Variants in INPP4B observed in about 807,000 individuals in gnomAD.
The protein encoded by INPP4B is inositol polyphosphate 4-phosphatase type II.
Under a neutral mutation model 122.5 loss-of-function variants are expected in INPP4B, and 55 were observed. The ratio of observed to expected loss-of-function variants is 0.45; its 90% CI spans 0.36 to 0.56. The LOEUF (loss-of-function observed/expected upper bound fraction) is 0.56, where lower values mean the gene tolerates loss of function less well. Ranked by LOEUF, INPP4B falls within the 20% of genes least tolerant of loss-of-function variation. The pLI is 0.00. For synonymous variants in INPP4B, 403 were observed against 388.7 expected, an observed-to-expected ratio of 1.04 and a Z score of -0.43; for missense variants, 1,000 against 1,097.7, an observed-to-expected ratio of 0.91 and a Z score of 1.26.
intron 1 of INPP4B, among the ~76,000 whole-genome samples, chr4:142,762,149 C>T (rs1003553154): frequency 6.6e-6 from 1 of 152,130 alleles, no homozygotes; most frequent in African/African-American, 2.4e-5. Flanking sequence ...ATGCACTCTA[C>T]ACACTCTACA....
In INPP4B at chr4:142,108,192, TACAA is replaced by T. The variant is rs1320065283; in HGVS notation, c.2277-6_2277-3del. 3 of 1,558,914 alleles carry T rather than the reference TACAA, an allele frequency of 1.9e-6. No homozygotes were observed. In the African/African-American group the frequency reaches 4.1e-5, roughly 21 times the overall value. On this transcript the variant is annotated splice_polypyrimidine_tract_variant and splice_region_variant and intron_variant, in intron 22 of 25. Transcript: ENST00000262992. ...TCTTGCAAAGAGACATCTCCAAACC[TACAA>T]ACAGAAAAAAGAAAACAGCTGTGGG... is the stretch of plus-strand genomic sequence containing the variant.
intron 1 of INPP4B, among the ~76,000 whole-genome samples, chr4:142,742,453 C>A (rs72935929): frequency 0.06 from 9,183 of 151,882 alleles, 937 homozygotes; most frequent in African/African-American, 0.21. Context: ...CTAATAAGTG[C>A]AAACTAAGAC....
chr4:142,838,183 C>G (rs1263138794), intron 1 of INPP4B, among the ~76,000 whole-genome samples: 2 of 151,578 alleles, frequency 1.3e-5, no homozygotes, highest in Admixed American at 6.6e-5. Flanking sequence ...CACACACATA[C>G]ACACACACAC....
chr4:142,156,975 T>G (rs1817550961), intron 17 of INPP4B, among the ~76,000 whole-genome samples: 1 of 152,140 alleles, frequency 6.6e-6, no homozygotes, highest in African/African-American at 2.4e-5. Context: ...TACTGTAACC[T>G]TATTTGCAAA....
At chr4:142,808,039 A>G (rs901409733) in intron 1 of INPP4B, among the ~76,000 whole-genome samples, 1 of 151,854 alleles carries the variant, frequency 6.6e-6, no homozygotes, top group Admixed American at 6.6e-5. Context: ...AAAATAAAAG[A>G]CTTTACTGAA....
At chr4:142,608,332 T>C (rs1741731846) in intron 2 of INPP4B, among the ~76,000 whole-genome samples, 1 of 152,116 alleles carries the variant, frequency 6.6e-6, no homozygotes, top group African/African-American at 2.4e-5. Context: ...ATACCACACC[T>C]TTGGCATTAT....
At chr4:142,545,057 T>A (rs1829391478) in intron 2 of INPP4B, among the ~76,000 whole-genome samples, 1 of 152,200 alleles carries the variant, frequency 6.6e-6, no homozygotes, top group African/African-American at 2.4e-5. Context: ...ATTGGAGGGA[T>A]GCTGATTACA....
intron 7 of INPP4B, among the ~76,000 whole-genome samples, chr4:142,331,390 G>A (rs1461082786): frequency 6.6e-6 from 1 of 152,132 alleles, no homozygotes; most frequent in Non-Finnish European, 1.5e-5. Context: ...GGAAGTGTTT[G>A]GGACCCAGAT....
In INPP4B at chr4:142,756,539, G is replaced by C. The variant is rs564539014; in HGVS notation, c.-253-30638C>G. Among the ~76,000 whole-genome samples the C allele has an allele frequency of 2.5e-3, 386 of 151,982 alleles. 1 individual carries two copies. The highest frequency in any genetic ancestry group is 3.4e-3 in the Middle Eastern group (1 of 292). On this transcript the variant is annotated intron_variant, in intron 1 of 25. Transcript: ENST00000262992. ...AAACTGGAGGCTCCTCTTACTCTAC[G>C]GCATTCCAAGCTCATTCTCTATCAG... is the stretch of plus-strand genomic sequence containing the variant.
chr4:142,498,396 T>TTA (rs1822929752), intron 2 of INPP4B, among the ~76,000 whole-genome samples: 1 of 151,986 alleles, frequency 6.6e-6, no homozygotes, highest in Non-Finnish European at 1.5e-5. Context: ...TAAACTGAGA[T>TTA]AATTAGAGCT....
chr4:142,224,830 T>C (rs1193411339), intron 12 of INPP4B, among the ~76,000 whole-genome samples: 4 of 152,130 alleles, frequency 2.6e-5, no homozygotes, highest in African/African-American at 9.7e-5. Flanking sequence ...CTAGTATACA[T>C]ACAACATTTG....
At chr4:142,222,122 G>T (rs1451878997) in intron 12 of INPP4B, among the ~76,000 whole-genome samples, 3 of 152,156 alleles carry the variant, frequency 2.0e-5, no homozygotes, top group African/African-American at 7.2e-5. Context: ...ACCACACCCA[G>T]CTAATTTTTG....
intron 2 of INPP4B, among the ~76,000 whole-genome samples, chr4:142,618,530 C>T (rs370013306): frequency 6.6e-6 from 1 of 152,044 alleles, no homozygotes; most frequent in Non-Finnish European, 1.5e-5. Context: ...TAGATACCCA[C>T]ATGCAAAAAA....
At chr4:142,257,492 G>T (rs1302183518) in intron 11 of INPP4B, among the ~76,000 whole-genome samples, 4 of 152,092 alleles carry the variant, frequency 2.6e-5, no homozygotes, top group Non-Finnish European at 4.4e-5. Flanking sequence ...AAGCTGATAA[G>T]CAACTTCAGC....
chr4:142,717,739 G>A (rs562105765), intron 2 of INPP4B, among the ~76,000 whole-genome samples: 77 of 151,902 alleles, frequency 5.1e-4, no homozygotes, highest in Non-Finnish European at 9.4e-4. Flanking sequence ...GGGGCCTGTC[G>A]TGGGGTGGGG....
At chr4:142,545,716 T>TATACAC (rs1219914474) in intron 2 of INPP4B, among the ~76,000 whole-genome samples, 208 of 126,628 alleles carry the variant, frequency 1.6e-3, no homozygotes, top group African/African-American at 6.2e-3. Flanking sequence ...TATGTGTGTG[T>TATACAC]ATATGTGTGT....
At chr4:142,541,509 G>A (rs1828939203) in intron 2 of INPP4B, among the ~76,000 whole-genome samples, 1 of 125,030 alleles carries the variant, frequency 8.0e-6, no homozygotes, top group South Asian at 2.8e-4. Context: ...GAGGCCAAAA[G>A]ACTAGGCACT....
chr4:142,811,559 C>T (rs1004113206), intron 1 of INPP4B, among the ~76,000 whole-genome samples: 11 of 152,160 alleles, frequency 7.2e-5, no homozygotes, highest in Non-Finnish European at 1.5e-4. Flanking sequence ...TAGTATATCA[C>T]ATTGATACAA....
intron 1 of INPP4B, among the ~76,000 whole-genome samples, chr4:142,789,183 A>G (rs1466780652): frequency 1.3e-5 from 2 of 152,234 alleles, no homozygotes; most frequent in East Asian, 1.9e-4. Context: ...CAAGATAAGG[A>G]TGGCCACTCT....
Sources: gnomAD v4.1 joint callset for allele counts (sites outside exome capture counted in the v4.1 genomes callset) on GRCh38, gnomAD v4.1.1 for gene constraint, MANE v1.5 for transcripts, NCBI Gene and HGNC (gene_info 2026-07-23, HGNC 2026-07-21) for gene names.